The following RETREG1 variants were observed in gnomAD, a reference collection of about 807,000 sequenced individuals.
RETREG1 encodes reticulophagy regulator 1, also known as family with sequence similarity 134 member B.
A neutral mutation model predicts 54.8 loss-of-function variants in RETREG1; 44 were observed. The observed-to-expected ratio is 0.80, with a 90% CI of 0.63 to 1.03. RETREG1 has a LOEUF of 1.03. Among genes scored for constraint, RETREG1 ranks in the 50% least tolerant of loss-of-function variants. RETREG1 has a pLI of 0.00. For synonymous variants in RETREG1, 217 were observed against 238.5 expected (o/e 0.91, Z 0.83); for missense variants, 554 against 605.1 (o/e 0.92, Z 0.89).
chr5:16,477,816 G>A (rs1368200979), intron 7 of RETREG1, 28 bp from the exon 8 acceptor site: 1 of 1,612,696 alleles, frequency 6.2e-7, no homozygotes, highest in Admixed American at 1.7e-5. Flanking sequence ...AATACCAGCG[G>A]CACATTTTAA....
chr5:16,586,239 G>A (rs1364288444), intron 1 of RETREG1, among the ~76,000 whole-genome samples: 2 of 152,312 alleles, frequency 1.3e-5, no homozygotes, highest in Non-Finnish European at 2.9e-5. Flanking sequence ...TATGCAAATG[G>A]AAATCTTTGT....
intron 5 of RETREG1, among the ~76,000 whole-genome samples, chr5:16,479,463 T>C (rs998799315): frequency 6.6e-6 from 1 of 152,170 alleles, no homozygotes; most frequent in African/African-American, 2.4e-5. Context: ...TCATCAATAA[T>C]ATTAGGATAG....
intron 3 of RETREG1, among the ~76,000 whole-genome samples, chr5:16,536,720 AT>A (rs1741084574): frequency 6.6e-6 from 1 of 152,182 alleles, no homozygotes; most frequent in Admixed American, 6.5e-5. Flanking sequence ...GAGTGGGAAC[AT>A]TTTTTGCCAA....
intron 1 of RETREG1, among the ~76,000 whole-genome samples, chr5:16,577,001 C>A (rs1383318968): frequency 6.6e-6 from 1 of 151,556 alleles, no homozygotes; most frequent in Non-Finnish European, 1.5e-5. Context: ...AATATCCCAT[C>A]AAGGTTCATA....
rs77967042 is a variant in RETREG1, at chr5:16,475,184, G to A, written c.1051C>T (p.Pro351Ser). ...EVFSRDLSDFPSLENGMGTND... is the reference protein window; with the variant it reads ...EVFSRDLSDFSSLENGMGTND... ...GTTCCCATGCCATTTTCTAGAGATG[G>A]AAAATCTGAAAGATCTCTAGAGAAA... Residue 351 changes from proline (P) to serine (S), a missense_variant, in exon 9 of 9, where the codon CCA (proline) becomes TCA (serine). By Grantham distance (74) the Pro-to-Ser change is moderately conservative. Transcript: ENST00000306320. 6.6e-5 allele frequency: 106 copies of A among 1,613,548 alleles called. No homozygotes were observed. The East Asian group carries it at 2.1e-3, about 33-fold the overall frequency.
At chr5:16,565,540 T>A (rs532805820) in intron 3 of RETREG1, among the ~76,000 whole-genome samples, 1 of 152,298 alleles carries the variant, frequency 6.6e-6, no homozygotes, top group East Asian at 1.9e-4. Flanking sequence ...AAATTCATGT[T>A]GCCCAGTATC....
rs1038886168 is a variant in RETREG1 at position 16,473,438 on chromosome 5, A to G, written c.*1303T>C. The G allele has an allele frequency of 6.6e-6, 1 of 152,640 alleles. No individual in the cohort carries two copies. Among genetic ancestry groups the G allele is most frequent in the Non-Finnish European group, 1.5e-5 (1 of 68,010 alleles). The allele number at this position is 152,640 out of a possible 1,614,324, so 9.5% of individuals were successfully genotyped here. ...GAAATATAAGGGATAAAATGAAAGG[A>G]AGAGAACACAGATTTCCTATATTCT... is the stretch of plus-strand genomic sequence containing the variant. On this transcript the variant is annotated 3_prime_UTR_variant, in exon 9 of 9. Transcript: ENST00000306320.
At chr5:16,609,157 T>C (rs950363688) in intron 1 of RETREG1, among the ~76,000 whole-genome samples, 9 of 152,230 alleles carry the variant, frequency 5.9e-5, no homozygotes, top group African/African-American at 9.6e-5. Context: ...AGGCAGACTA[T>C]GTCCATCACT....
chr5:16,494,623 C>T (rs1023984835), intron 3 of RETREG1, among the ~76,000 whole-genome samples: 1 of 152,204 alleles, frequency 6.6e-6, no homozygotes, highest in Non-Finnish European at 1.5e-5. Flanking sequence ...TTGGCAGCTT[C>T]CTTAGGCCTC....
At chr5:16,565,693 C>T (rs1188107464) in intron 3 of RETREG1, 70 bp downstream of exon 3, 5 of 1,499,788 alleles carry the variant, frequency 3.3e-6, no homozygotes, top group Non-Finnish European at 4.6e-6. Context: ...TTCAGAGCTA[C>T]ATCTTGGTGG....
At chr5:16,524,048 A>C (rs986914478) in intron 3 of RETREG1, among the ~76,000 whole-genome samples, 5 of 152,038 alleles carry the variant, frequency 3.3e-5, no homozygotes. Context: ...CTTCCATCTG[A>C]GCTCAGCCTT....
chr5:16,539,312 A>C (rs1414611939), intron 3 of RETREG1, among the ~76,000 whole-genome samples: 1 of 152,140 alleles, frequency 6.6e-6, no homozygotes, highest in East Asian at 1.9e-4. Flanking sequence ...CAGCAGGGAA[A>C]GTCCTTAGAA....
intron 3 of RETREG1, among the ~76,000 whole-genome samples, chr5:16,528,285 A>T (rs541784524): frequency 6.6e-6 from 1 of 152,336 alleles, no homozygotes; most frequent in African/African-American, 2.4e-5. Flanking sequence ...TGATTTTTAC[A>T]TATATTAACA....
In RETREG1 at chr5:16,602,654, C is replaced by T. The variant is rs146638777; in HGVS notation, c.320+13998G>A. On this transcript the variant is annotated intron_variant, in intron 1 of 8. Transcript: ENST00000306320. ...GGGGATGAGAAGAGTTTATGTGAAT[C>T]GGGGTGCCAGGAGAAAATTAATGTC... Among the ~76,000 whole-genome samples the T allele has an allele frequency of 1.7e-3, 263 of 152,272 alleles. 1 individual carries two copies. The highest frequency in any genetic ancestry group is 6.1e-3 in the African/African-American group (253 of 41,562).
At chr5:16,543,044 T>C (rs1424478617) in intron 3 of RETREG1, among the ~76,000 whole-genome samples, 1 of 152,238 alleles carries the variant, frequency 6.6e-6, no homozygotes, top group African/African-American at 2.4e-5. Context: ...TCACTGTAGA[T>C]TAGTTTGCAC....
intron 3 of RETREG1, among the ~76,000 whole-genome samples, chr5:16,486,094 A>C (rs1377757315): frequency 1.3e-5 from 2 of 152,216 alleles, no homozygotes. Flanking sequence ...TTATTAACAC[A>C]ATAAATTATA....
In RETREG1 at chr5:16,534,937, A is replaced by G. The variant is rs73045921; in HGVS notation, c.458+30826T>C. ...TTATTAAGTGCCAGGCACAGAGGTA[A>G]GCCCTGGAGGTCCAGGGATAGATAA... On this transcript the variant is annotated intron_variant, in intron 3 of 8. Transcript: ENST00000306320. 2.8e-3 allele frequency among the ~76,000 whole-genome samples: 434 copies of G among 152,316 alleles called. 5 individuals carry two copies. The highest frequency in any genetic ancestry group is 1.0e-2 in the African/African-American group (414 of 41,574).
At chr5:16,616,497 A>G in intron 1 of RETREG1, 155 bp downstream of exon 1, 5 of 1,311,844 alleles carry the variant, frequency 3.8e-6, no homozygotes, top group Non-Finnish European at 5.1e-6. Context: ...GTGAGTGTCT[A>G]CCTGTTCGAG....
intron 4 of RETREG1, among the ~76,000 whole-genome samples, chr5:16,482,246 T>C (rs144288701): frequency 6.6e-6 from 1 of 151,996 alleles, no homozygotes; most frequent in Non-Finnish European, 1.5e-5. Flanking sequence ...AAAGCATTAC[T>C]ATATCCAGAA....
Sources: gnomAD v4.1 joint callset for allele counts (sites outside exome capture counted in the v4.1 genomes callset) on GRCh38, gnomAD v4.1.1 for gene constraint, MANE v1.5 for transcripts, NCBI Gene and HGNC (gene_info 2026-07-23, HGNC 2026-07-21) for gene names.